OXCT1: variants seen among roughly 807,000 people sequenced by gnomAD.
OXCT1 encodes 3-oxoacid CoA-transferase 1.
Under a neutral mutation model 69.6 loss-of-function variants are expected in OXCT1, and 27 were observed. That is an observed-to-expected ratio of 0.39 (90% CI 0.29 to 0.54). The LOEUF is 0.54. Among genes scored for constraint, OXCT1 ranks in the 20% least tolerant of loss-of-function variants. OXCT1 has a pLI of 0.72. For missense variants in OXCT1, 437 were observed against 650.2 expected, an observed-to-expected ratio of 0.67 and a Z score of 3.57; for synonymous variants, 202 against 217.8, an observed-to-expected ratio of 0.93 and a Z score of 0.64.
intron 11 of OXCT1, among the ~76,000 whole-genome samples, chr5:41,797,854 T>A (rs1375455429): frequency 1.3e-5 from 2 of 152,202 alleles, no homozygotes; most frequent in African/African-American, 4.8e-5. Flanking sequence ...ATGCTGACGC[T>A]GTGGGTCTGG....
intron 1 of OXCT1, among the ~76,000 whole-genome samples, chr5:41,866,951 T>G (rs1455723025): frequency 6.6e-6 from 1 of 152,238 alleles, no homozygotes; most frequent in Admixed American, 6.5e-5. Flanking sequence ...ATGAAAAGGC[T>G]GTGTGGTTAC....
At chr5:41,862,426 A>ATGC (rs2112474668) in intron 2 of OXCT1, among the ~76,000 whole-genome samples, 1 of 152,302 alleles carries the variant, frequency 6.6e-6, no homozygotes, top group African/African-American at 2.4e-5. Flanking sequence ...ACACACACAC[A>ATGC]TGCACGCACA....
In OXCT1 at chr5:41,803,041, G is replaced by T. The variant is rs765774421; in HGVS notation, c.1050+28C>A. 8 of 1,487,660 alleles carry T rather than the reference G, an allele frequency of 5.4e-6. No individual in the cohort carries two copies. In the East Asian group the frequency reaches 1.8e-4, roughly 34 times the overall value. The allele number at this position is 1,487,660 out of a possible 1,614,324, so 92.2% of individuals were successfully genotyped here. ...AATATCTCATTCTTCATTAAGACTG[G>T]ATTTTAGAAAACAAATTTTCATCTT... On this transcript the variant is annotated intron_variant, in intron 10 of 16. Coordinates refer to ENST00000196371, the MANE Select transcript of OXCT1 (RefSeq NM_000436.4).
Position 41,823,022 on chromosome 5 carries a change from A to C in OXCT1, c.733-15584T>G, listed in dbSNP as rs376309418. ...CTTTTTGCTCTCCACTCTTTTCTGC[A>C]TTCTGTAGTTTTAATTAATCTTTTT... On this transcript the variant is annotated intron_variant, in intron 7 of 16. Transcript: ENST00000196371. Among the ~76,000 whole-genome samples, 50 of 152,192 alleles carry C rather than the reference A, an allele frequency of 3.3e-4. No homozygotes were observed. In the East Asian group the frequency reaches 7.0e-3, roughly 21 times the overall value.
At position 41,805,649 on chromosome 5, in the gene OXCT1, T is replaced by C. The variant is rs371211907; in HGVS notation, c.873A>G (p.Glu291=). The change falls in exon 9 of 17, where the codon GAA becomes GAG. Residue 291 remains glutamate, a synonymous_variant. Transcript: ENST00000196371. ...RLSIRKEGDG[E]AKSAKPGDDV... is the part of the protein sequence containing the mutation. The stretch of plus-strand genomic sequence containing the variant: ...CATCTCCAGGTTTAGCAGATTTGGC[T>C]TCCCCATCTCCCTCTTTCCGGATTG... 9.8e-5 allele frequency: 158 copies of C among 1,612,430 alleles called. No homozygotes were observed. Among genetic ancestry groups the C allele is most frequent in the Non-Finnish European group, 1.2e-4 (142 of 1,178,840 alleles).
intron 13 of OXCT1, among the ~76,000 whole-genome samples, chr5:41,770,082 C>G (rs954339193): frequency 2.0e-5 from 3 of 152,170 alleles, no homozygotes; most frequent in African/African-American, 7.2e-5. Context: ...ACTATGAGCC[C>G]TTTGCCTTCC....
At chr5:41,768,490 T>A (rs1477147366) in intron 13 of OXCT1, among the ~76,000 whole-genome samples, 2 of 152,134 alleles carry the variant, frequency 1.3e-5, no homozygotes, top group African/African-American at 4.8e-5. Flanking sequence ...CTAAATTAAG[T>A]ATCTTCATAA....
At chr5:41,781,510 G>C (rs1184470157) in intron 13 of OXCT1, among the ~76,000 whole-genome samples, 1 of 151,476 alleles carries the variant, frequency 6.6e-6, no homozygotes, top group African/African-American at 2.4e-5. Flanking sequence ...TTGTTACATA[G>C]GTAAATGTGT....
intron 11 of OXCT1, among the ~76,000 whole-genome samples, chr5:41,799,076 AT>A (rs1027425733): frequency 6.6e-6 from 1 of 152,226 alleles, no homozygotes; most frequent in African/African-American, 2.4e-5. Flanking sequence ...TCATTTTTAC[AT>A]AACCTTATGA....
chr5:41,747,072 T>G (rs906091514), intron 15 of OXCT1, among the ~76,000 whole-genome samples: 1 of 152,138 alleles, frequency 6.6e-6, no homozygotes, highest in East Asian at 1.9e-4. Flanking sequence ...TTTTTTCTAA[T>G]GCAAATCTAA....
intron 1 of OXCT1, among the ~76,000 whole-genome samples, chr5:41,869,094 G>T (rs1750148475): frequency 6.6e-6 from 1 of 152,148 alleles, no homozygotes; most frequent in African/African-American, 2.4e-5. Flanking sequence ...TTTTAATAAT[G>T]CTTTATATAT....
chr5:41,773,655 T>C (rs939554799), intron 13 of OXCT1, among the ~76,000 whole-genome samples: 2 of 74,392 alleles, frequency 2.7e-5, no homozygotes, highest in Non-Finnish European at 5.2e-5. Flanking sequence ...AAACTGAGAA[T>C]AGAATAGAAA....
rs368390833 is a variant in OXCT1, at chr5:41,870,266, T to TC, written c.78+14dup. ...TTCTTCCTGCCCATGGCCTTCCTCT[T>TC]CCCCCGCACTTTACCTTGTACCAGG... is the stretch of plus-strand genomic sequence containing the variant. On this transcript the variant is annotated intron_variant, in intron 1 of 16. Transcript: ENST00000196371. The surrounding 1 kb of genome is among the most constrained non-coding windows in gnomAD (Gnocchi z 4.2). The TC allele has an allele frequency of 0.011, 17,699 of 1,608,674 alleles. 853 individuals carry two copies. The Admixed American group carries it at 0.11, about 10-fold the overall frequency.
intron 7 of OXCT1, among the ~76,000 whole-genome samples, chr5:41,831,376 C>T (rs79953899): frequency 0.013 from 1,996 of 152,246 alleles, 36 homozygotes; most frequent in African/African-American, 0.042. Context: ...CTCACCGAGG[C>T]CTTTCACTGT....
chr5:41,808,126 T>C (rs1176698572), intron 7 of OXCT1, among the ~76,000 whole-genome samples: 2 of 152,054 alleles, frequency 1.3e-5, no homozygotes, highest in Non-Finnish European at 2.9e-5. Context: ...CATTAGTCTG[T>C]TATTTTAGAA....
chr5:41,838,326 G>C lies in OXCT1; in HGVS notation c.732+2125C>G, dbSNP rs189478534. Among the ~76,000 whole-genome samples the C allele has an allele frequency of 8.5e-5, 13 of 152,214 alleles. No homozygotes were observed. The East Asian group carries it at 2.5e-3, about 29-fold the overall frequency. On this transcript the variant is annotated intron_variant, in intron 7 of 16. Transcript: ENST00000196371. ...CAATTCCAAATTATTTTCCACTTTT[G>C]AGAGCACAGTTCTTACAATTCAATC...
At chr5:41,784,376 A>G (rs971092236) in intron 13 of OXCT1, among the ~76,000 whole-genome samples, 1 of 152,210 alleles carries the variant, frequency 6.6e-6, no homozygotes, top group Non-Finnish European at 1.5e-5. Context: ...ACAAACATGC[A>G]AATGGTCCAC....
intron 7 of OXCT1, among the ~76,000 whole-genome samples, chr5:41,839,763 C>T (rs1004841951): frequency 1.3e-5 from 2 of 152,140 alleles, no homozygotes; most frequent in African/African-American, 4.8e-5. Context: ...AATAGGGGTC[C>T]TATAAAGCCC....
chr5:41,838,747 C>A (rs899752826), intron 7 of OXCT1, among the ~76,000 whole-genome samples: 2 of 151,896 alleles, frequency 1.3e-5, no homozygotes, highest in African/African-American at 4.8e-5. Flanking sequence ...GACCTCAGCT[C>A]CTGGGTAGCT....
Sources: allele counts gnomAD v4.1 joint callset (sites outside exome capture counted in the v4.1 genomes callset), GRCh38; gene constraint gnomAD v4.1.1; non-coding constraint Gnocchi (gnomAD v3.1); transcripts MANE v1.5; gene names NCBI Gene and HGNC (gene_info 2026-07-23, HGNC 2026-07-21).